The following KIF13B variants were observed in gnomAD, a reference collection of about 807,000 sequenced individuals.
KIF13B encodes the protein kinesin-like protein KIF13B.
KIF13B carries 127 observed loss-of-function variants against 222.0 expected under a neutral mutation model. The ratio of observed to expected loss-of-function variants is 0.57; its 90% CI spans 0.50 to 0.66. The LOEUF (loss-of-function observed/expected upper bound fraction) is 0.66, where lower values mean the gene tolerates loss of function less well. KIF13B is among the 30% of genes least tolerant of loss of function. The pLI, the probability that KIF13B is intolerant of heterozygous loss-of-function variation, is 0.00. For synonymous variants in KIF13B, 976 were observed against 919.0 expected, an observed-to-expected ratio of 1.06 and a Z score of -1.12; for missense variants, 2,173 against 2,379.0, an observed-to-expected ratio of 0.91 and a Z score of 1.80.
At chr8:29,211,875 A>G (rs1049317221) in intron 2 of KIF13B, among the ~76,000 whole-genome samples, 2 of 151,976 alleles carry the variant, frequency 1.3e-5, no homozygotes, top group Admixed American at 1.3e-4. Flanking sequence ...TTTTTTTCTT[A>G]GTATATTTCC....
At chr8:29,261,642 G>A (rs1279770998) in intron 1 of KIF13B, among the ~76,000 whole-genome samples, 3 of 151,934 alleles carry the variant, frequency 2.0e-5, no homozygotes, top group African/African-American at 7.3e-5. Flanking sequence ...GAATTGTATC[G>A]ACGTTTATTG....
intron 2 of KIF13B, among the ~76,000 whole-genome samples, chr8:29,230,961 C>T (rs1479111564): frequency 6.6e-6 from 1 of 152,170 alleles, no homozygotes; most frequent in Non-Finnish European, 1.5e-5. Context: ...CTCACTGCAG[C>T]CTCAACCTCC....
chr8:29,088,221 G>A (rs146399685), intron 37 of KIF13B, among the ~76,000 whole-genome samples: 3,260 of 150,364 alleles, frequency 0.022, 50 homozygotes, highest in Non-Finnish European at 0.032. Context: ...AGCTGAGATC[G>A]CACCACTGTA....
chr8:29,250,541 C>G (rs1398654246), intron 1 of KIF13B, among the ~76,000 whole-genome samples: 2 of 152,152 alleles, frequency 1.3e-5, no homozygotes, highest in African/African-American at 4.8e-5. Flanking sequence ...GTCCTAGAGA[C>G]GGCAACTTAA....
At chr8:29,127,804 T>C (rs1030266657) in intron 24 of KIF13B, among the ~76,000 whole-genome samples, 3 of 152,230 alleles carry the variant, frequency 2.0e-5, no homozygotes, top group African/African-American at 7.2e-5. Flanking sequence ...TAAATAATCA[T>C]ACATATACAC....
chr8:29,222,479 T>TAACATTA (rs1814797622), intron 2 of KIF13B, among the ~76,000 whole-genome samples: 1 of 145,294 alleles, frequency 6.9e-6, no homozygotes, highest in Non-Finnish European at 1.5e-5. Context: ...TAGCCCATTT[T>TAACATTA]AACATTAAAC....
rs1809622899 is a variant in KIF13B at position 29,116,846 on chromosome 8, A to G, written c.3822T>C (p.Asn1274=). Residue 1274 remains asparagine (N), a synonymous_variant, in exon 31 of 40, where the codon AAT becomes AAC. Transcript: ENST00000524189. ...QLVLRKRICV[N]VHGRQGFAQS... is the part of the protein sequence containing the mutation. ...GAAGACTAACCTGGCGGCCGTGAACATTGACACAGATTCTCTTGCGTAACA... is the reference window on the plus strand; with the variant it reads ...GAAGACTAACCTGGCGGCCGTGAACGTTGACACAGATTCTCTTGCGTAACA... The G allele has an allele frequency of 1.2e-6, 2 of 1,609,130 alleles. No homozygotes were observed. Among genetic ancestry groups the G allele is most frequent in the Non-Finnish European group, 1.7e-6 (2 of 1,176,554 alleles).
chr8:29,140,519 G>C lies in KIF13B; in HGVS notation c.2433C>G (p.Phe811Leu). 1 of 1,613,870 alleles carries C rather than the reference G, an allele frequency of 6.2e-7. No homozygotes were observed. Among genetic ancestry groups the C allele is most frequent in the Non-Finnish European group, 8.5e-7 (1 of 1,179,842 alleles). ...CAGCGTATTGTAACTTCACATCATA[G>C]AAAAGTGACTCGAGGAAGACATTGG... is the stretch of plus-strand genomic sequence containing the variant. ...GVANVFLESL[F>L]YDVKLQYAVP... is the part of the protein sequence containing the mutation. The change falls in exon 20 of 40, where the codon TTC (phenylalanine) becomes TTG (leucine). Residue 811 changes from phenylalanine to leucine, a missense_variant. Phe to Leu is a conservative substitution (Grantham distance 22). This residue lies in a region of KIF13B where 1,480 missense variants were observed against 1,722.8 expected (regional missense o/e 0.86). Coordinates refer to ENST00000524189, the MANE Select transcript of KIF13B (RefSeq NM_015254.4).
chr8:29,242,641 A>G (rs770252629), intron 2 of KIF13B, among the ~76,000 whole-genome samples: 1 of 152,228 alleles, frequency 6.6e-6, no homozygotes, highest in Non-Finnish European at 1.5e-5. Context: ...AATACACAGA[A>G]GAACTAGACT....
intron 7 of KIF13B, among the ~76,000 whole-genome samples, chr8:29,181,374 T>C (rs1403234551): frequency 2.0e-5 from 3 of 152,166 alleles, no homozygotes; most frequent in Admixed American, 1.3e-4. Context: ...GCACCTACCA[T>C]AGGACAGGTA....
At chr8:29,148,933 G>C (rs1025537479) in intron 15 of KIF13B, among the ~76,000 whole-genome samples, 166 bp from the exon 16 acceptor site, 4 of 152,182 alleles carry the variant, frequency 2.6e-5, no homozygotes, top group African/African-American at 9.7e-5. Flanking sequence ...AGACACTCAT[G>C]TGCCAGCAAA....
At chr8:29,174,812 T>C (rs999835353) in intron 10 of KIF13B, among the ~76,000 whole-genome samples, 5 of 152,244 alleles carry the variant, frequency 3.3e-5, no homozygotes, top group Non-Finnish European at 7.3e-5. Flanking sequence ...AATGTTTTAT[T>C]TTAACAAAAG....
intron 24 of KIF13B, 88 bp from the exon 25 acceptor site, chr8:29,127,356 G>GA: frequency 8.8e-7 from 1 of 1,141,384 alleles, no homozygotes; most frequent in African/African-American, 1.5e-5. Flanking sequence ...CTGATGTTGA[G>GA]AAAAATGTTT....
At chr8:29,125,502 A>G (rs562964305) in intron 26 of KIF13B, among the ~76,000 whole-genome samples, 1 of 152,382 alleles carries the variant, frequency 6.6e-6, no homozygotes, top group East Asian at 1.9e-4. Context: ...GTCAGCTTGA[A>G]AAAAGTCTCT....
chr8:29,221,249 T>A (rs1814735751), intron 2 of KIF13B, among the ~76,000 whole-genome samples: 1 of 151,814 alleles, frequency 6.6e-6, no homozygotes, highest in African/African-American at 2.4e-5. Context: ...ATTACAGGCA[T>A]GTGCCACCAC....
In KIF13B at chr8:29,072,011, G is replaced by A. The variant is rs1237390536; in HGVS notation, c.4827C>T (p.His1609=). 1.1e-5 allele frequency: 14 copies of A among 1,292,696 alleles called. No individual in the cohort carries two copies. Among genetic ancestry groups the A allele is most frequent in the Non-Finnish European group, 1.4e-5 (14 of 1,023,482 alleles). 80.1% of individuals were successfully genotyped at this position (1,292,696 alleles called of 1,614,324 possible). ...PEAEPEAPIS[H]PPPPTAVPAE... Reference sequence around the variant, plus strand: ...CGGGGACGGCCGTGGGCGGTGGGGGGTGGCTGATGGGCGCCTCGGGCTCGG... The same window carrying A: ...CGGGGACGGCCGTGGGCGGTGGGGGATGGCTGATGGGCGCCTCGGGCTCGG... Residue 1609 remains histidine (H), a synonymous_variant, in exon 39 of 40, where the codon CAC becomes CAT. Coordinates refer to ENST00000524189, the MANE Select transcript of KIF13B (RefSeq NM_015254.4).
intron 13 of KIF13B, among the ~76,000 whole-genome samples, chr8:29,156,564 G>C (rs1453024699): frequency 8.6e-5 from 13 of 151,662 alleles, no homozygotes. Flanking sequence ...ACCCAGGCTG[G>C]AGTGCAGAGA....
At chr8:29,225,292 A>G (rs531216274) in intron 2 of KIF13B, among the ~76,000 whole-genome samples, 8 of 152,338 alleles carry the variant, frequency 5.3e-5, no homozygotes, top group African/African-American at 1.9e-4. Flanking sequence ...ATATTAACGC[A>G]TTTAGTCCTC....
At chr8:29,121,637 T>C (rs1312680644) in intron 29 of KIF13B, among the ~76,000 whole-genome samples, 22 of 134,352 alleles carry the variant, frequency 1.6e-4, no homozygotes, top group African/African-American at 5.7e-4. Context: ...ATTCAGGACA[T>C]AGGCGTGGGC....
Sources: gnomAD v4.1 joint callset for allele counts (sites outside exome capture counted in the v4.1 genomes callset) on GRCh38, gnomAD v4.1.1 for gene constraint, gnomAD v4.1.1 regional missense constraint, MANE v1.5 for transcripts, NCBI Gene and HGNC (gene_info 2026-07-23, HGNC 2026-07-21) for gene names.